The following MORC4 variants were observed in gnomAD, a reference collection of about 807,000 sequenced individuals.
MORC4 encodes MORC family CW-type zinc finger protein 4.
In MORC4, 22 loss-of-function variants were observed where a neutral mutation model predicts 65.5. The ratio of observed to expected loss-of-function variants is 0.34; its 90% CI spans 0.24 to 0.48. MORC4 has a LOEUF of 0.48. MORC4 is among the 20% of genes least tolerant of loss of function. The probability of loss-of-function intolerance (pLI) is 0.99; values close to 1 mark genes in which losing one functional copy is unlikely to be tolerated. For synonymous variants in MORC4, 267 were observed against 255.8 expected, an observed-to-expected ratio of 1.04 and a Z score of -0.42; for missense variants, 624 against 703.0, an observed-to-expected ratio of 0.89 and a Z score of 1.27.
intron 2 of MORC4, among the ~76,000 whole-genome samples, chrX:106,995,032 A>G (rs1051787276): frequency 3.6e-5 from 4 of 111,683 alleles, no homozygotes; most frequent in African/African-American, 1.3e-4. Context: ...ATTTGAAAAT[A>G]TACAGTTAAT....
intron 9 of MORC4, among the ~76,000 whole-genome samples, chrX:106,973,234 C>T (rs1934559948): frequency 1.8e-5 from 2 of 111,953 alleles, no homozygotes; most frequent in South Asian, 3.8e-4. Flanking sequence ...CTCCCCCATT[C>T]AAACAAGAAT....
intron 2 of MORC4, among the ~76,000 whole-genome samples, chrX:106,995,721 C>T (rs773056555): frequency 2.7e-5 from 3 of 112,376 alleles, no homozygotes; most frequent in Non-Finnish European, 5.6e-5. Flanking sequence ...GACAAGTGGG[C>T]TAAGTTTTGG....
intron 8 of MORC4, 149 bp downstream of exon 8, chrX:106,977,931 C>A: frequency 1.6e-6 from 1 of 606,574 alleles, no homozygotes; most frequent in Non-Finnish European, 2.6e-6. Context: ...CACAAGACAG[C>A]TCACTGGTAA....
intron 15 of MORC4, 48 bp downstream of exon 15, chrX:106,942,467 C>A: frequency 9.1e-7 from 1 of 1,100,409 alleles, no homozygotes; most frequent in Non-Finnish European, 1.2e-6. Context: ...GTCCCGCTCC[C>A]TTGGTTACTA....
At chrX:106,962,243 GA>G (rs371690152) in intron 9 of MORC4, 133 bp from the exon 10 acceptor site, 6 of 471,005 alleles carry the variant, frequency 1.3e-5, no homozygotes, top group African/African-American at 2.4e-5. Context: ...TACACTTTAA[GA>G]AACCAAGATG....
At chrX:106,947,831 C>A (rs1933886986) in intron 14 of MORC4, among the ~76,000 whole-genome samples, 1 of 105,912 alleles carries the variant, frequency 9.4e-6, no homozygotes, top group African/African-American at 3.4e-5. Context: ...ATACACAAAG[C>A]AAAAACAGAC....
chrX:106,943,381 G>A (rs1043742891), intron 14 of MORC4, among the ~76,000 whole-genome samples, 176 bp from the exon 15 acceptor site: 1 of 111,727 alleles, frequency 9.0e-6, no homozygotes, highest in Non-Finnish European at 1.9e-5. Flanking sequence ...TCACTAGTGC[G>A]ACTGGTATTA....
At chrX:106,956,841 C>CA in intron 12 of MORC4, 95 bp downstream of exon 12, 1 of 660,399 alleles carries the variant, frequency 1.5e-6, no homozygotes, top group Non-Finnish European at 2.3e-6. Context: ...ATTTAAGAAC[C>CA]AAAAAAATTC....
At chrX:106,996,348 G>C (rs6622131) in intron 2 of MORC4, among the ~76,000 whole-genome samples, 1 of 108,746 alleles carries the variant, frequency 9.2e-6, no homozygotes, top group Non-Finnish European at 1.9e-5. Flanking sequence ...GGGTCAGCTG[G>C]AGCAGTAGGG....
At chrX:106,951,028 C>A (rs756719111) in intron 14 of MORC4, among the ~76,000 whole-genome samples, 56 of 111,604 alleles carry the variant, frequency 5.0e-4, no homozygotes, top group Non-Finnish European at 6.0e-4. Context: ...TCAAGTTAAA[C>A]AGTTATTTAT....
chrX:106,974,644 G>A (rs1159874522), intron 9 of MORC4, among the ~76,000 whole-genome samples: 1 of 111,502 alleles, frequency 9.0e-6, no homozygotes, highest in Non-Finnish European at 1.9e-5. Flanking sequence ...TTATACAAAT[G>A]ACTGTAAGCT....
In MORC4 at chrX:106,962,015, A is replaced by G. The variant is rs200458251; in HGVS notation, c.1253T>C (p.Ile418Thr). 10 of 1,187,198 alleles carry G rather than the reference A, an allele frequency of 8.4e-6. No homozygotes were observed. In the South Asian group the frequency reaches 1.8e-4, roughly 21 times the overall value. The change falls in exon 10 of 17, where the codon ATA becomes ACA. Residue 418 changes from isoleucine to threonine, a missense_variant. By Grantham distance (89) the Ile-to-Thr change is moderately conservative. Transcript: ENST00000355610. ...ATATTCTGTATGTATTACTTACGGTATTGGCCTGGCTACAGTTGAGGTCTC... is the reference window on the plus strand; with the variant it reads ...ATATTCTGTATGTATTACTTACGGTGTTGGCCTGGCTACAGTTGAGGTCTC... ...NFETSTVARP[I>T]PKVPDQTWVQ...
At chrX:106,989,907 G>T (rs753836114) in intron 3 of MORC4, among the ~76,000 whole-genome samples, 28 of 99,959 alleles carry the variant, frequency 2.8e-4, no homozygotes, top group African/African-American at 1.0e-3. Context: ...AATCCTTCGG[G>T]CCAGGCGTGG....
chrX:106,998,216 T>C (rs184657040), intron 2 of MORC4, among the ~76,000 whole-genome samples: 129 of 112,574 alleles, frequency 1.1e-3, no homozygotes, highest in Non-Finnish European at 1.9e-3. Flanking sequence ...CTATTATTAA[T>C]ATTTTCACAA....
intron 7 of MORC4, among the ~76,000 whole-genome samples, chrX:106,979,872 A>T (rs1381599645): frequency 9.0e-6 from 1 of 110,935 alleles, no homozygotes; most frequent in Non-Finnish European, 1.9e-5. Flanking sequence ...ATTATAACTA[A>T]TTCACCTATA....
chrX:106,948,178 A>G (rs1314372959), intron 14 of MORC4, among the ~76,000 whole-genome samples: 2 of 111,551 alleles, frequency 1.8e-5, no homozygotes, highest in Admixed American at 9.6e-5. Flanking sequence ...CTTCCAAGGA[A>G]GCCAAGAGAA....
At chrX:106,960,174 A>ATCTC (rs1934200184) in intron 10 of MORC4, among the ~76,000 whole-genome samples, 1 of 112,284 alleles carries the variant, frequency 8.9e-6, no homozygotes. Context: ...GGAGGGGAGA[A>ATCTC]GAAAGGTCCT....
chrX:106,954,999 A>G lies in MORC4; in HGVS notation c.1599T>C (p.Pro533=), dbSNP rs763572513. ...KTIGYEGIHS[P]SVLPSGGEES... The stretch of plus-strand genomic sequence containing the variant: ...CTTCTCCACCAGAAGGAAGCACACT[A>G]GGGCTATGAATTCCCTCATATCCAA... The change falls in exon 14 of 17, where the codon CCT becomes CCC. Residue 533 remains proline (P), a synonymous_variant. Coordinates refer to ENST00000355610, the MANE Select transcript of MORC4 (RefSeq NM_024657.5). 8 of 1,205,883 alleles carry G rather than the reference A, an allele frequency of 6.6e-6. No homozygotes were observed. Among genetic ancestry groups the G allele is most frequent in the East Asian group, 3.0e-5 (1 of 33,793 alleles).
intron 3 of MORC4, among the ~76,000 whole-genome samples, chrX:106,987,286 TTA>T (rs1934890996): frequency 9.0e-6 from 1 of 111,688 alleles, no homozygotes; most frequent in Non-Finnish European, 1.9e-5. Context: ...CACTTGATCA[TTA>T]CACATTGTAT....
Sources: allele counts gnomAD v4.1 joint callset (sites outside exome capture counted in the v4.1 genomes callset), GRCh38; gene constraint gnomAD v4.1.1; transcripts MANE v1.5; gene names NCBI Gene and HGNC (gene_info 2026-07-23, HGNC 2026-07-21).